The following CD46 variants were observed in gnomAD, a reference collection of about 807,000 sequenced individuals.
CD46 encodes the protein CD46 molecule, also known as membrane cofactor protein.
Under a neutral mutation model 53.3 loss-of-function variants are expected in CD46, and 30 were observed. The observed-to-expected ratio is 0.56, with a 90% CI of 0.42 to 0.76. The LOEUF is 0.76. Among genes scored for constraint, CD46 ranks in the 30% least tolerant of loss-of-function variants. The pLI, the probability that CD46 is intolerant of heterozygous loss-of-function variation, is 0.00. For synonymous variants in CD46, 142 were observed against 152.0 expected, an observed-to-expected ratio of 0.93 and a Z score of 0.48; for missense variants, 409 against 463.0, an observed-to-expected ratio of 0.88 and a Z score of 1.07.
chr1:207,794,587 T>C lies in CD46; in HGVS notation c.*1110T>C, dbSNP rs1660083328. On this transcript the variant is annotated 3_prime_UTR_variant, in exon 13 of 13. Transcript: ENST00000367042. Reference sequence around the variant, plus strand: ...ACATTGCCTTGGCTAGTAAAAGCCATCTATGTATATGTCTTACCTCATCTC... The same window carrying C: ...ACATTGCCTTGGCTAGTAAAAGCCACCTATGTATATGTCTTACCTCATCTC... The C allele has an allele frequency of 6.6e-6, 1 of 152,214 alleles. No homozygotes were observed. Among genetic ancestry groups the C allele is most frequent in the Admixed American group, 6.5e-5 (1 of 15,282 alleles). The allele number at this position is 152,214 out of a possible 1,614,324, so 9.4% of individuals were successfully genotyped here.
At chr1:207,762,777 G>A (rs919677121) in intron 5 of CD46, 3 of 152,560 alleles carry the variant, frequency 2.0e-5, no homozygotes, top group East Asian at 1.9e-4. Context: ...ACAGGCACCC[G>A]AGAGTGTGGG....
At chr1:207,783,237 A>G in intron 8 of CD46, 55 bp from the exon 9 acceptor site, 1 of 959,822 alleles carries the variant, frequency 1.0e-6, no homozygotes. Flanking sequence ...TAAGCTTTAT[A>G]TTTAATTCTT....
intron 9 of CD46, among the ~76,000 whole-genome samples, chr1:207,784,133 G>A (rs570851525): frequency 6.6e-6 from 1 of 152,244 alleles, no homozygotes; most frequent in South Asian, 2.1e-4. Flanking sequence ...TTGGTATTTA[G>A]GACTATGTCT....
chr1:207,762,326 C>T (rs1656310427), intron 5 of CD46, among the ~76,000 whole-genome samples: 1 of 151,966 alleles, frequency 6.6e-6, no homozygotes, highest in African/African-American at 2.4e-5. Context: ...AGAAAAGTCT[C>T]AAATCAATGA....
rs930061728 is a variant in CD46, at chr1:207,781,722, C to T, written c.944-1570C>T. On this transcript the variant is annotated intron_variant, in intron 8 of 12. Transcript: ENST00000367042. ...GTTCCTTGTCACGCTTGTTGAAAACCGTTTGACCATATATGCAGGGGTTTA... is the reference window on the plus strand; with the variant it reads ...GTTCCTTGTCACGCTTGTTGAAAACTGTTTGACCATATATGCAGGGGTTTA... Among the ~76,000 whole-genome samples the T allele has an allele frequency of 4.6e-5, 7 of 152,142 alleles. No individual in the cohort carries two copies. The East Asian group carries it at 9.6e-4, about 21-fold the overall frequency.
intron 4 of CD46, 116 bp downstream of exon 4, chr1:207,759,840 G>A (rs1248386137): frequency 2.3e-5 from 15 of 655,064 alleles, no homozygotes; most frequent in Non-Finnish European, 3.9e-5. Context: ...CTTTTATGTG[G>A]GTTATATCTA....
At chr1:207,789,073 C>T (rs886320074) in intron 11 of CD46, among the ~76,000 whole-genome samples, 2 of 152,146 alleles carry the variant, frequency 1.3e-5, no homozygotes, top group Admixed American at 6.5e-5. Context: ...TGCTTCAGTC[C>T]TGTATTGCAT....
At chr1:207,790,043 T>C (rs571101452) in intron 11 of CD46, among the ~76,000 whole-genome samples, 1 of 152,314 alleles carries the variant, frequency 6.6e-6, no homozygotes, top group East Asian at 1.9e-4. Flanking sequence ...TGCTGGATGA[T>C]CTATATGACT....
At position 207,759,564 on chromosome 1, in the gene CD46, T is replaced by TA. The variant is rs201895739; in HGVS notation, c.390-69dup. 2,409 of 814,856 alleles carry TA rather than the reference T, an allele frequency of 3.0e-3. 45 individuals are homozygous for TA. Among genetic ancestry groups the TA allele is most frequent in the Non-Finnish European group, 4.9e-4 (236 of 482,116 alleles). 50.5% of individuals were successfully genotyped at this position (814,856 alleles called of 1,614,324 possible). A position where few individuals can be genotyped will look rare whatever the true frequency, so the allele number is the denominator to read the frequency against. On this transcript the variant is annotated intron_variant, in intron 3 of 12. Transcript: ENST00000367042. ...ACTGTAGTGTAGAAAAGAAACCATA[T>TA]AAAAAATTCCTTCATTATTATGTGT...
intron 11 of CD46, among the ~76,000 whole-genome samples, chr1:207,787,111 A>G (rs1291246763): frequency 6.6e-6 from 1 of 151,974 alleles, no homozygotes; most frequent in East Asian, 1.9e-4. Flanking sequence ...TTGCTCTGTC[A>G]CCCAGGCTGG....
At position 207,752,165 on chromosome 1, in the gene CD46, G is replaced by A; in HGVS notation, c.-48G>A. The A allele has an allele frequency of 6.4e-7, 1 of 1,572,980 alleles. No homozygotes were observed. Among genetic ancestry groups the A allele is most frequent in the East Asian group, 2.2e-5 (1 of 44,700 alleles). ...GACTTCCCTGCTCGGCTGGCTCTCG[G>A]TTTCTCTGCTTTCCTCCGGAGAAAT... On this transcript the variant is annotated 5_prime_UTR_variant, in exon 1 of 13. Coordinates refer to ENST00000367042, the MANE Select transcript of CD46 (RefSeq NM_172351.3). The surrounding 1 kb of genome is among the most constrained non-coding windows in gnomAD (Gnocchi z 4.1).
At position 207,795,419 on chromosome 1, in the gene CD46, GAA is replaced by G. The variant is rs1271241638; in HGVS notation, c.*1943_*1944del. ...CAAAAATGTATTTGCTATAAAATGA[GAA>G]GTCTCACTGATAGAGGTTCTTTATT... On this transcript the variant is annotated 3_prime_UTR_variant, in exon 13 of 13. Coordinates refer to ENST00000367042, the MANE Select transcript of CD46 (RefSeq NM_172351.3). 1.3e-5 allele frequency: 2 copies of G among 152,206 alleles called. No individual in the cohort carries two copies. The highest frequency in any genetic ancestry group is 4.8e-5 in the African/African-American group (2 of 41,462). The allele number at this position is 152,206 out of a possible 1,614,324, so 9.4% of individuals were successfully genotyped here. A position where few individuals can be genotyped will look rare whatever the true frequency, so the allele number is the denominator to read the frequency against.
chr1:207,778,381 A>G (rs1261582022), intron 8 of CD46, among the ~76,000 whole-genome samples: 2 of 151,674 alleles, frequency 1.3e-5, no homozygotes, highest in East Asian at 3.9e-4. Context: ...CCAGAGTGAT[A>G]TTGCCTAGGT....
At chr1:207,785,318 C>A (rs1659173974) in intron 10 of CD46, among the ~76,000 whole-genome samples, 1 of 152,170 alleles carries the variant, frequency 6.6e-6, no homozygotes, top group Non-Finnish European at 1.5e-5. Context: ...TACTTAGTAA[C>A]AAAGCCTAAG....
chr1:207,753,225 A>G (rs775998260), intron 1 of CD46, among the ~76,000 whole-genome samples: 5 of 152,222 alleles, frequency 3.3e-5, no homozygotes, highest in African/African-American at 9.6e-5. Context: ...CTAAAAAACA[A>G]TGGTAGCCAA....
Position 207,785,090 on chromosome 1 carries a change from G to C in CD46, c.1002G>C (p.Val334=). 1 of 1,612,994 alleles carries C rather than the reference G, an allele frequency of 6.2e-7. No homozygotes were observed. Among genetic ancestry groups the C allele is most frequent in the Non-Finnish European group, 8.5e-7 (1 of 1,179,076 alleles). The change falls in exon 10 of 13, where the codon GTG becomes GTC. Residue 334 remains valine, a synonymous_variant. Coordinates refer to ENST00000367042, the MANE Select transcript of CD46 (RefSeq NM_172351.3). ...TCTCAGATGTTTGGGTCATTGCTGT[G>C]ATTGTTATTGCCATAGGTAAGTATC... ...LDSLDVWVIA[V]IVIAIVVGVA... is the part of the protein sequence containing the mutation.
At chr1:207,756,846 A>G (rs1655598252) in intron 1 of CD46, among the ~76,000 whole-genome samples, 168 bp from the exon 2 acceptor site, 1 of 152,232 alleles carries the variant, frequency 6.6e-6, no homozygotes, top group Non-Finnish European at 1.5e-5. Flanking sequence ...TGCAAGTCCC[A>G]TTTCCTCCAC....
At chr1:207,779,983 A>G (rs1433049973) in intron 8 of CD46, among the ~76,000 whole-genome samples, 2 of 143,996 alleles carry the variant, frequency 1.4e-5, no homozygotes, top group Non-Finnish European at 3.0e-5. Context: ...CCTTTTCAGA[A>G]ATTTCTAAGG....
At chr1:207,779,372 ATAT>A (rs1392148638) in intron 8 of CD46, among the ~76,000 whole-genome samples, 3 of 152,086 alleles carry the variant, frequency 2.0e-5, no homozygotes, top group Non-Finnish European at 2.9e-5. Context: ...CTTAAAAATG[ATAT>A]TATGCTGTAC....
Sources: allele counts gnomAD v4.1 joint callset (sites outside exome capture counted in the v4.1 genomes callset), GRCh38; gene constraint gnomAD v4.1.1; non-coding constraint Gnocchi (gnomAD v3.1); transcripts MANE v1.5; gene names NCBI Gene and HGNC (gene_info 2026-07-23, HGNC 2026-07-21).